The following SPATS2L variants were observed in gnomAD, a reference collection of about 807,000 sequenced individuals.
SPATS2L encodes SPATS2-like protein.
Under a neutral mutation model 59.6 loss-of-function variants are expected in SPATS2L, and 30 were observed. That is an observed-to-expected ratio of 0.50 (90% CI 0.38 to 0.68). SPATS2L has a LOEUF of 0.68. SPATS2L is among the 30% of genes least tolerant of loss of function. SPATS2L has a pLI of 0.00. For synonymous variants in SPATS2L, 252 were observed against 263.5 expected, an observed-to-expected ratio of 0.96 and a Z score of 0.42; for missense variants, 615 against 700.0, an observed-to-expected ratio of 0.88 and a Z score of 1.37.
chr2:200,369,603 A>C (rs71424256), intron 2 of SPATS2L, among the ~76,000 whole-genome samples: 3 of 152,156 alleles, frequency 2.0e-5, no homozygotes, highest in Admixed American at 6.5e-5. Context: ...ATAATACTTA[A>C]TAAGTATTAA....
intron 10 of SPATS2L, among the ~76,000 whole-genome samples, chr2:200,468,909 G>A (rs1341318082): frequency 2.0e-5 from 3 of 152,140 alleles, no homozygotes; most frequent in Non-Finnish European, 2.9e-5. Context: ...CTCATCTTCC[G>A]AGTTTCATTT....
intron 2 of SPATS2L, among the ~76,000 whole-genome samples, chr2:200,339,069 G>A (rs955154134): frequency 1.3e-5 from 2 of 152,152 alleles, no homozygotes; most frequent in African/African-American, 2.4e-5. Flanking sequence ...TCAGAAAGCC[G>A]TTCCTTAGAG....
intron 2 of SPATS2L, among the ~76,000 whole-genome samples, chr2:200,355,027 C>T (rs1427064663): frequency 2.6e-5 from 4 of 151,984 alleles, no homozygotes; most frequent in Non-Finnish European, 5.9e-5. Flanking sequence ...TACGTACAAT[C>T]CCTGACTTAC....
chr2:200,454,383 G>T (rs1404262967), intron 8 of SPATS2L, among the ~76,000 whole-genome samples: 2 of 152,138 alleles, frequency 1.3e-5, no homozygotes, highest in Non-Finnish European at 2.9e-5. Context: ...GCTTCCAAAT[G>T]AATCAATTTT....
chr2:200,398,846 A>G (rs897778522), intron 3 of SPATS2L, among the ~76,000 whole-genome samples: 5 of 152,112 alleles, frequency 3.3e-5, no homozygotes, highest in African/African-American at 1.2e-4. Context: ...GGTTGAACTT[A>G]GCACGTAACC....
At chr2:200,365,350 G>T (rs1345325143) in intron 2 of SPATS2L, among the ~76,000 whole-genome samples, 2 of 152,188 alleles carry the variant, frequency 1.3e-5, no homozygotes, top group African/African-American at 2.4e-5. Context: ...AGATCATGGG[G>T]CTCAAGGAGG....
intron 2 of SPATS2L, among the ~76,000 whole-genome samples, chr2:200,363,543 C>T (rs988495817): frequency 2.6e-5 from 4 of 152,154 alleles, no homozygotes; most frequent in Non-Finnish European, 5.9e-5. Context: ...TAATAAAAAC[C>T]ATGGCAGAAT....
At chr2:200,394,211 A>T (rs2082259644) in intron 3 of SPATS2L, among the ~76,000 whole-genome samples, 1 of 152,084 alleles carries the variant, frequency 6.6e-6, no homozygotes, top group African/African-American at 2.4e-5. Flanking sequence ...GCATGAGTGG[A>T]CCCCGTCCAC....
At chr2:200,387,920 C>G (rs553992924) in intron 2 of SPATS2L, among the ~76,000 whole-genome samples, 1 of 151,986 alleles carries the variant, frequency 6.6e-6, no homozygotes, top group South Asian at 2.1e-4. Flanking sequence ...AGATTTTGAC[C>G]AGATAAGGGA....
At chr2:200,317,733 A>G (rs1365884069) in intron 1 of SPATS2L, among the ~76,000 whole-genome samples, 2 of 152,258 alleles carry the variant, frequency 1.3e-5, no homozygotes, top group Admixed American at 6.5e-5. Context: ...ATAGCATAAC[A>G]ATTAACAAAG....
At chr2:200,469,159 A>G (rs1387360660) in intron 10 of SPATS2L, among the ~76,000 whole-genome samples, 1 of 152,218 alleles carries the variant, frequency 6.6e-6, no homozygotes, top group Non-Finnish European at 1.5e-5. Context: ...GTAAGTGTTC[A>G]ATGATTTTTT....
In SPATS2L at chr2:200,477,924, C is replaced by T. The variant is rs767684719; in HGVS notation, c.1570C>T (p.Arg524Trp). Residue 524 changes from arginine (R) to tryptophan (W), a missense_variant, in exon 13 of 13, where the codon CGG (arginine) becomes TGG (tryptophan). Coordinates refer to ENST00000409140, the MANE Select transcript of SPATS2L (RefSeq NM_001100423.2). ...AADTSEARPF[R>W]GSVGRVSQCN... ...AGACACCTCGGAGGCCAGGCCCTTC[C>T]GGGGTAGTGTCGGTAGGGTTTCACA... is the stretch of plus-strand genomic sequence containing the variant. 20 of 1,612,080 alleles carry T rather than the reference C, an allele frequency of 1.2e-5. No homozygotes were observed. The highest frequency in any genetic ancestry group is 1.7e-5 in the Non-Finnish European group (20 of 1,179,708).
At chr2:200,343,300 C>T (rs905813108) in intron 2 of SPATS2L, among the ~76,000 whole-genome samples, 2 of 152,192 alleles carry the variant, frequency 1.3e-5, no homozygotes, top group Non-Finnish European at 1.5e-5. Flanking sequence ...GTATGTCAGT[C>T]TTGGCTGGAA....
At chr2:200,327,792 G>T (rs993620153) in intron 1 of SPATS2L, among the ~76,000 whole-genome samples, 2 of 152,072 alleles carry the variant, frequency 1.3e-5, no homozygotes, top group Admixed American at 1.3e-4. Context: ...GAGATGAACT[G>T]ATCTTTATAT....
At chr2:200,420,613 G>A (rs1051258444) in intron 6 of SPATS2L, among the ~76,000 whole-genome samples, 1 of 152,210 alleles carries the variant, frequency 6.6e-6, no homozygotes, top group Admixed American at 6.5e-5. Context: ...GGCTGCTGAT[G>A]TGGTTTTCCA....
chr2:200,323,481 G>A (rs1200421973), intron 1 of SPATS2L, among the ~76,000 whole-genome samples: 2 of 152,204 alleles, frequency 1.3e-5, no homozygotes, highest in African/African-American at 4.8e-5. Flanking sequence ...GGGAATATTT[G>A]TAAGATAAAT....
At chr2:200,442,053 C>T (rs1410534319) in intron 8 of SPATS2L, among the ~76,000 whole-genome samples, 1 of 152,136 alleles carries the variant, frequency 6.6e-6, no homozygotes, top group African/African-American at 2.4e-5. Flanking sequence ...TATCATTCAG[C>T]CTCTCAGAGG....
intron 9 of SPATS2L, among the ~76,000 whole-genome samples, chr2:200,465,988 T>G: frequency 6.6e-6 from 1 of 152,138 alleles, no homozygotes; most frequent in African/African-American, 2.4e-5. Context: ...GCCGAGATCA[T>G]GCCACGGCAC....
At chr2:200,310,529 G>C (rs1477850197) in intron 1 of SPATS2L, among the ~76,000 whole-genome samples, 1 of 152,052 alleles carries the variant, frequency 6.6e-6, no homozygotes, top group Non-Finnish European at 1.5e-5. Context: ...CACTTCCACC[G>C]TATCAACCTT....
Sources: gnomAD v4.1 joint callset for allele counts (sites outside exome capture counted in the v4.1 genomes callset) on GRCh38, gnomAD v4.1.1 for gene constraint, MANE v1.5 for transcripts, NCBI Gene and HGNC (gene_info 2026-07-23, HGNC 2026-07-21) for gene names.